CEP70: variants seen among roughly 807,000 people sequenced by gnomAD.
CEP70 encodes centrosomal protein of 70 kDa.
Under a neutral mutation model 90.9 loss-of-function variants are expected in CEP70, and 70 were observed. The ratio of observed to expected loss-of-function variants is 0.77; its 90% confidence interval spans 0.64 to 0.94. CEP70 has a LOEUF of 0.94. CEP70 is among the 40% of genes least tolerant of loss of function. The probability of loss-of-function intolerance (pLI) is 0.00; values close to 1 mark genes in which losing one functional copy is unlikely to be tolerated. For missense variants in CEP70, 648 were observed against 669.0 expected, an observed-to-expected ratio of 0.97 and a Z score of 0.35; for synonymous variants, 220 against 228.3, an observed-to-expected ratio of 0.96 and a Z score of 0.33.
intron 2 of CEP70, among the ~76,000 whole-genome samples, chr3:138,576,095 A>C (rs892085097): frequency 6.6e-6 from 1 of 152,224 alleles, no homozygotes; most frequent in Non-Finnish European, 1.5e-5. Context: ...AGATTCACAC[A>C]TAACAATATT....
At chr3:138,557,028 T>C (rs1170207640) in intron 6 of CEP70, among the ~76,000 whole-genome samples, 1 of 152,140 alleles carries the variant, frequency 6.6e-6, no homozygotes, top group Non-Finnish European at 1.5e-5. Context: ...GGGGCTTATT[T>C]CATCCCTACA....
At chr3:138,560,342 C>G (rs534722061) in intron 6 of CEP70, among the ~76,000 whole-genome samples, 44 of 152,336 alleles carry the variant, frequency 2.9e-4, no homozygotes, top group African/African-American at 8.4e-4. Context: ...AGATACTGCG[C>G]TTTTCCCATG....
At chr3:138,571,008 A>G in intron 5 of CEP70, 26 bp downstream of exon 5, 2 of 1,517,670 alleles carry the variant, frequency 1.3e-6, no homozygotes, top group Middle Eastern at 3.9e-4. Context: ...CAAACAATTC[A>G]AAAGAAATCT....
chr3:138,589,805 C>A (rs1284768849), intron 2 of CEP70, among the ~76,000 whole-genome samples: 1 of 151,986 alleles, frequency 6.6e-6, no homozygotes, highest in Non-Finnish European at 1.5e-5. Flanking sequence ...TTAAGAAATT[C>A]ACGGAAAAGA....
At chr3:138,504,363 G>A (rs2034790087) in intron 13 of CEP70, among the ~76,000 whole-genome samples, 1 of 152,066 alleles carries the variant, frequency 6.6e-6, no homozygotes. Context: ...TTGTTGTCTT[G>A]GAATATAATA....
chr3:138,559,764 A>G (rs2040267425), intron 6 of CEP70, among the ~76,000 whole-genome samples: 1 of 152,166 alleles, frequency 6.6e-6, no homozygotes, highest in South Asian at 2.1e-4. Flanking sequence ...GGAGAAAAAT[A>G]TTAAAGGTAG....
rs74495570 is a variant in CEP70, at chr3:138,509,589, C to T, written c.945-1045G>A. 1.4e-4 allele frequency among the ~76,000 whole-genome samples: 21 copies of T among 152,230 alleles called. 1 individual carries two copies. The East Asian group carries it at 1.7e-3, about 13-fold the overall frequency. On this transcript the variant is annotated intron_variant, in intron 11 of 17. Transcript: ENST00000264982. ...GCTTTGAAAACAGTACAGTAGTACACGCTGATCCGTAGTTTCATTTTCCAT... is the reference window on the plus strand; with the variant it reads ...GCTTTGAAAACAGTACAGTAGTACATGCTGATCCGTAGTTTCATTTTCCAT...
chr3:138,578,742 A>C lies in CEP70; in HGVS notation c.-5-5810T>G, dbSNP rs910800841. Among the ~76,000 whole-genome samples, 4 of 152,350 alleles carry C rather than the reference A, an allele frequency of 2.6e-5. No homozygotes were observed. In the East Asian group the frequency reaches 7.7e-4, roughly 29 times the overall value. ...TCAACCATTATAAAAGTTCAGAAAA[A>C]CTAATTTTACATAAAAGTGAGCAAA... On this transcript the variant is annotated intron_variant, in intron 2 of 17. Transcript: ENST00000264982.
At chr3:138,540,782 G>C (rs1239698355) in intron 6 of CEP70, among the ~76,000 whole-genome samples, 1 of 152,068 alleles carries the variant, frequency 6.6e-6, no homozygotes. Context: ...CTACCATAAA[G>C]AAACATGCAT....
intron 11 of CEP70, among the ~76,000 whole-genome samples, chr3:138,519,052 C>T (rs190901547): frequency 2.0e-3 from 310 of 152,042 alleles, no homozygotes; most frequent in African/African-American, 7.1e-3. Context: ...CCTCAGTAGC[C>T]GATTCGATCA....
At chr3:138,545,958 T>C (rs2039162549) in intron 6 of CEP70, among the ~76,000 whole-genome samples, 1 of 152,166 alleles carries the variant, frequency 6.6e-6, no homozygotes, top group African/African-American at 2.4e-5. Flanking sequence ...CCATCATTAG[T>C]AATACTAATT....
chr3:138,515,560 A>G (rs894980890), intron 11 of CEP70, among the ~76,000 whole-genome samples: 2 of 151,940 alleles, frequency 1.3e-5, no homozygotes, highest in African/African-American at 4.8e-5. Context: ...GCAGATCATC[A>G]TCTTGTTTGA....
chr3:138,576,146 C>T (rs564952572), intron 2 of CEP70, among the ~76,000 whole-genome samples: 20 of 152,266 alleles, frequency 1.3e-4, no homozygotes, highest in African/African-American at 4.8e-4. Context: ...AATTAAAAGA[C>T]ACAGACTGGC....
intron 6 of CEP70, among the ~76,000 whole-genome samples, chr3:138,551,985 T>G (rs986929980): frequency 3.9e-5 from 6 of 152,084 alleles, no homozygotes; most frequent in African/African-American, 1.4e-4. Flanking sequence ...AAAAAAGACA[T>G]TCCATGCAAA....
chr3:138,585,314 C>A (rs2042056208), intron 2 of CEP70, among the ~76,000 whole-genome samples: 1 of 151,970 alleles, frequency 6.6e-6, no homozygotes, highest in Non-Finnish European at 1.5e-5. Flanking sequence ...GAAAATTAAA[C>A]ACCTAGGAAT....
chr3:138,556,964 T>G (rs1329472081), intron 6 of CEP70, among the ~76,000 whole-genome samples: 2 of 152,080 alleles, frequency 1.3e-5, no homozygotes, highest in Non-Finnish European at 2.9e-5. Context: ...TGACCAAAAT[T>G]TATTTGGCGG....
intron 13 of CEP70, among the ~76,000 whole-genome samples, chr3:138,504,317 G>A (rs535275783): frequency 2.0e-5 from 3 of 152,162 alleles, no homozygotes; most frequent in East Asian, 3.9e-4. Context: ...AAGGGAAGTC[G>A]AAATTTAAAA....
At chr3:138,527,151 G>A (rs1463543949) in intron 10 of CEP70, among the ~76,000 whole-genome samples, 8 of 151,964 alleles carry the variant, frequency 5.3e-5, no homozygotes, top group African/African-American at 1.9e-4. Flanking sequence ...AGGGGCAAGA[G>A]ATAACTTTTA....
intron 11 of CEP70, among the ~76,000 whole-genome samples, chr3:138,518,323 T>C (rs139319027): frequency 1.4e-4 from 22 of 152,274 alleles, no homozygotes; most frequent in African/African-American, 5.1e-4. Context: ...CTGACAGCTT[T>C]GGATAGAGTA....
Sources: allele counts gnomAD v4.1 joint callset (sites outside exome capture counted in the v4.1 genomes callset), GRCh38; gene constraint gnomAD v4.1.1; transcripts MANE v1.5; gene names NCBI Gene and HGNC (gene_info 2026-07-23, HGNC 2026-07-21).